The following NEDD4L variants were observed in gnomAD, a reference collection of about 807,000 sequenced individuals.
NEDD4L encodes the protein E3 ubiquitin-protein ligase NEDD4-like.
In NEDD4L, 54 loss-of-function variants were observed where a neutral mutation model predicts 148.9. The observed-to-expected ratio is 0.36, with a 90% CI of 0.29 to 0.45. NEDD4L has a LOEUF of 0.45. NEDD4L is among the 20% of genes least tolerant of loss of function. NEDD4L has a pLI of 1.00. For synonymous variants in NEDD4L, 433 were observed against 440.7 expected (o/e 0.98, Z 0.22); for missense variants, 856 against 1,233.8 (o/e 0.69, Z 4.59).
At chr18:58,333,069 G>GC (rs1259427045) in intron 11 of NEDD4L, among the ~76,000 whole-genome samples, 1 of 151,994 alleles carries the variant, frequency 6.6e-6, no homozygotes, top group Non-Finnish European at 1.5e-5. Context: ...CTGAGGTCAG[G>GC]AGGTCGAGAC....
rs533517422 is a variant in NEDD4L at position 58,146,673 on chromosome 18, A to G, written c.49-19115A>G. 1.4e-4 allele frequency among the ~76,000 whole-genome samples: 21 copies of G among 152,172 alleles called. No individual in the cohort carries two copies. In the South Asian group the frequency reaches 4.4e-3, roughly 32 times the overall value. ...ACAAGGAATGGTGGGAGCAATTTGG[A>G]GAAGAATGAAGACTTGGTGCAGTGG... is the stretch of plus-strand genomic sequence containing the variant. On this transcript the variant is annotated intron_variant, in intron 1 of 30. Coordinates refer to ENST00000400345, the MANE Select transcript of NEDD4L (RefSeq NM_001144967.3).
At chr18:58,250,205 A>G (rs1341528227) in intron 4 of NEDD4L, among the ~76,000 whole-genome samples, 3 of 151,772 alleles carry the variant, frequency 2.0e-5, no homozygotes, top group Admixed American at 6.6e-5. Flanking sequence ...GCTGGAGTGC[A>G]GTGGCACAAT....
intron 11 of NEDD4L, among the ~76,000 whole-genome samples, chr18:58,333,039 G>A (rs949513421): frequency 6.6e-6 from 1 of 152,080 alleles, no homozygotes; most frequent in Non-Finnish European, 1.5e-5. Context: ...TACTTTGGGA[G>A]GCCGAGGTGG....
intron 1 of NEDD4L, chr18:58,046,487 C>T (rs1449968867): frequency 6.6e-6 from 1 of 152,100 alleles, no homozygotes; most frequent in Non-Finnish European, 1.5e-5. Flanking sequence ...TGTAAAAACT[C>T]CCCCGAAAAA....
rs556196912 is a variant in NEDD4L, at chr18:58,177,084, G to A, written c.122+11223G>A. On this transcript the variant is annotated intron_variant, in intron 2 of 30. Coordinates refer to ENST00000400345, the MANE Select transcript of NEDD4L (RefSeq NM_001144967.3). ...GTTTGGATCCCCTGCCTGACATTGT[G>A]TCCTGAGCCCCTGGCCCCTTCCTGC... Among the ~76,000 whole-genome samples the A allele has an allele frequency of 2.0e-5, 3 of 152,216 alleles. No individual in the cohort carries two copies. The South Asian group carries it at 6.2e-4, about 32-fold the overall frequency.
chr18:58,365,654 C>G (rs1220630474), intron 20 of NEDD4L, among the ~76,000 whole-genome samples: 1 of 152,210 alleles, frequency 6.6e-6, no homozygotes, highest in African/African-American at 2.4e-5. Flanking sequence ...GGGCTAAAGT[C>G]TCTTGAGTGA....
At chr18:58,302,348 C>T (rs551333620) in intron 5 of NEDD4L, among the ~76,000 whole-genome samples, 2 of 152,322 alleles carry the variant, frequency 1.3e-5, no homozygotes, top group East Asian at 3.9e-4. Context: ...CTTATGCTAC[C>T]TTTCATTGCT....
At chr18:58,280,297 G>A (rs142938858) in intron 5 of NEDD4L, among the ~76,000 whole-genome samples, 1 of 152,228 alleles carries the variant, frequency 6.6e-6, no homozygotes, top group African/African-American at 2.4e-5. Context: ...TCCACTGTCT[G>A]GCCCCATGCC....
Position 58,398,184 on chromosome 18 carries a change from AAAAAAAAAAAT to A in NEDD4L, c.*1916_*1926del, listed in dbSNP as rs2050617466. On this transcript the variant is annotated 3_prime_UTR_variant, in exon 31 of 31. Coordinates refer to ENST00000400345, the MANE Select transcript of NEDD4L (RefSeq NM_001144967.3). ...AAAAAAAAAAAAAAAAAAAAAAAAA[AAAAAAAAAAAT>A]TCCCGCTCATGAGTTTTGACTATTG... 6.8e-6 allele frequency: 1 copy of A among 146,786 alleles called. No homozygotes were observed. The highest frequency in any genetic ancestry group is 2.6e-5 in the African/African-American group (1 of 38,046). 9.1% of individuals were successfully genotyped at this position (146,786 alleles called of 1,614,324 possible). A position where few individuals can be genotyped will look rare whatever the true frequency, so the allele number is the denominator to read the frequency against.
intron 5 of NEDD4L, among the ~76,000 whole-genome samples, chr18:58,286,001 A>C (rs2053852599): frequency 6.6e-6 from 1 of 152,212 alleles, no homozygotes. Context: ...CACAATTGTC[A>C]TACCTTAAGT....
Position 58,333,876 on chromosome 18 carries a change from A to G in NEDD4L, c.1049A>G (p.Gln350Arg). ...AGTGTCACCGACGCAGTTGCAGAACAGGGCCATCTACCACCGGTAACCCAT... is the reference window on the plus strand; with the variant it reads ...AGTGTCACCGACGCAGTTGCAGAACGGGGCCATCTACCACCGGTAACCCAT... ...SCSVTDAVAE[Q>R]GHLPPPSAPA... Residue 350 changes from glutamine to arginine, a missense_variant, in exon 12 of 31, where the codon CAG becomes CGG. Physicochemically the swap from Gln to Arg is conservative, Grantham distance 43. Coordinates refer to ENST00000400345, the MANE Select transcript of NEDD4L (RefSeq NM_001144967.3). 1 of 1,613,126 alleles carries G rather than the reference A, an allele frequency of 6.2e-7. No individual in the cohort carries two copies. The highest frequency in any genetic ancestry group is 8.5e-7 in the Non-Finnish European group (1 of 1,179,434).
Position 58,366,161 on chromosome 18 carries a change from G to T in NEDD4L, c.1996G>T (p.Glu666Ter). 6.2e-7 allele frequency: 1 copy of T among 1,613,532 alleles called. No individual in the cohort carries two copies. The highest frequency in any genetic ancestry group is 8.5e-7 in the Non-Finnish European group (1 of 1,179,714). Residue 666 changes from glutamate to a stop codon, truncating the protein, a stop_gained, in exon 21 of 31, where the codon GAA becomes TAA. Transcript: ENST00000400345. LOFTEE classifies it high-confidence loss of function. The surrounding 1 kb of genome is among the most constrained non-coding windows in gnomAD (Gnocchi z 4.2). Reference protein sequence around the residue: ...KGLDYGGVAREWFFLLSKEMF... With the variant: ...KGLDYGGVAR ...TCTTGACTATGGGGGTGTGGCCAGAGAATGGTTCTTCTTACTGTCCAAAGA... is the reference window on the plus strand; with the variant it reads ...TCTTGACTATGGGGGTGTGGCCAGATAATGGTTCTTCTTACTGTCCAAAGA...
At chr18:58,335,401 A>T in intron 12 of NEDD4L, 77 bp from the exon 13 acceptor site, 1 of 1,203,376 alleles carries the variant, frequency 8.3e-7, no homozygotes, top group Non-Finnish European at 1.2e-6. Flanking sequence ...CAGCGCTGCC[A>T]CAGCAGTGGG....
intron 1 of NEDD4L, among the ~76,000 whole-genome samples, chr18:58,130,527 G>A (rs1376760280): frequency 0.017 from 1,546 of 88,484 alleles, 45 homozygotes; most frequent in Middle Eastern, 0.1. Context: ...GAACTGTGGC[G>A]GTGTTGGGCT....
rs188864136 is a variant in NEDD4L at position 58,259,541 on chromosome 18, T to G, written c.297+7487T>G. On this transcript the variant is annotated intron_variant, in intron 5 of 30. Coordinates refer to ENST00000400345, the MANE Select transcript of NEDD4L (RefSeq NM_001144967.3). Reference sequence around the variant, plus strand: ...TGTGCCCCCTTTGTATGCCATTTTGTGCATAATAACTGTGAAACTCTGCAT... The same window carrying G: ...TGTGCCCCCTTTGTATGCCATTTTGGGCATAATAACTGTGAAACTCTGCAT... Among the ~76,000 whole-genome samples, 381 of 152,342 alleles carry G rather than the reference T, an allele frequency of 2.5e-3. 2 individuals are homozygous for G. The highest frequency in any genetic ancestry group is 7.7e-3 in the Admixed American group (118 of 15,304).
chr18:58,230,976 G>A (rs540586347), intron 2 of NEDD4L, among the ~76,000 whole-genome samples: 1 of 152,144 alleles, frequency 6.6e-6, no homozygotes, highest in East Asian at 1.9e-4. Context: ...GTCTGGACGT[G>A]GTGACTCATA....
At chr18:58,088,032 C>T (rs1012948827) in intron 1 of NEDD4L, among the ~76,000 whole-genome samples, 2 of 152,204 alleles carry the variant, frequency 1.3e-5, no homozygotes, top group Non-Finnish European at 2.9e-5. Context: ...GAAGCACCTG[C>T]TTCCAAGTTG....
chr18:58,120,399 G>C (rs1228211890), intron 1 of NEDD4L, among the ~76,000 whole-genome samples: 1 of 152,214 alleles, frequency 6.6e-6, no homozygotes. Context: ...ACTGGGATTT[G>C]TGAGGATGGA....
chr18:58,204,150 G>T (rs981567547), intron 2 of NEDD4L, among the ~76,000 whole-genome samples: 1 of 152,070 alleles, frequency 6.6e-6, no homozygotes, highest in Non-Finnish European at 1.5e-5. Flanking sequence ...AACATGGTGA[G>T]ACCCCCGTCT....
Sources: allele counts gnomAD v4.1 joint callset (sites outside exome capture counted in the v4.1 genomes callset), GRCh38; gene constraint gnomAD v4.1.1; non-coding constraint Gnocchi (gnomAD v3.1); transcripts MANE v1.5; gene names NCBI Gene and HGNC (gene_info 2026-07-23, HGNC 2026-07-21).